KLF12: variants seen among roughly 807,000 people sequenced by gnomAD.
The protein encoded by KLF12 is Krueppel-like factor 12.
KLF12 carries 9 observed loss-of-function variants against 37.8 expected under a neutral mutation model. The observed-to-expected ratio is 0.24, with a 90% confidence interval of 0.14 to 0.42. The LOEUF is 0.42. KLF12 is among the 10% of genes least tolerant of loss of function. The pLI is 1.00. For missense variants in KLF12, 411 were observed against 516.0 expected (o/e 0.80, Z 1.97); for synonymous variants, 208 against 202.1 (o/e 1.03, Z -0.25).
At chr13:74,125,747 T>C (rs1476659708) in intron 1 of KLF12, among the ~76,000 whole-genome samples, 1 of 152,248 alleles carries the variant, frequency 6.6e-6, no homozygotes, top group Non-Finnish European at 1.5e-5. Flanking sequence ...GTATATCTTG[T>C]AGTAAACGTA....
chr13:74,230,492 C>T, the KLF12 span, among the ~76,000 whole-genome samples: 3 of 152,282 alleles, frequency 2.0e-5, no homozygotes, highest in Admixed American at 1.3e-4. Flanking sequence ...TGCTCATCCA[C>T]ACTCTCATCA....
rs538579286 is a variant in KLF12, at chr13:73,854,627, T to C, written c.124-8254A>G. 7.9e-5 allele frequency among the ~76,000 whole-genome samples: 12 copies of C among 152,302 alleles called. No individual in the cohort carries two copies. In the South Asian group the frequency reaches 2.5e-3, roughly 32 times the overall value. ...TTTGGTAGTATCCATGGGGGATTGG[T>C]TCCAGGACCCCCCTCCACCAAGGAT... On this transcript the variant is annotated intron_variant, in intron 3 of 7. Transcript: ENST00000377669.
chr13:73,819,485 T>C (rs1883407931), intron 4 of KLF12, among the ~76,000 whole-genome samples: 1 of 152,152 alleles, frequency 6.6e-6, no homozygotes, highest in African/African-American at 2.4e-5. Flanking sequence ...TATTGGATAA[T>C]ATATAAAACT....
intron 3 of KLF12, among the ~76,000 whole-genome samples, chr13:73,851,486 A>G (rs1023613285): frequency 4.6e-5 from 7 of 152,210 alleles, no homozygotes; most frequent in Admixed American, 2.6e-4. Flanking sequence ...AGATCATGTA[A>G]CAGTTGATGG....
At chr13:74,079,782 G>C (rs1444161428) in intron 1 of KLF12, among the ~76,000 whole-genome samples, 1 of 152,166 alleles carries the variant, frequency 6.6e-6, no homozygotes, top group Non-Finnish European at 1.5e-5. Context: ...CTGTTGGTAG[G>C]ATTATAAAAT....
intron 3 of KLF12, among the ~76,000 whole-genome samples, chr13:73,936,475 T>C (rs1339896608): frequency 6.6e-6 from 1 of 152,152 alleles, no homozygotes; most frequent in Non-Finnish European, 1.5e-5. Flanking sequence ...TGGCCGACCT[T>C]TCCTTGCCTT....
At chr13:74,263,674 A>G in the KLF12 span, among the ~76,000 whole-genome samples, 1 of 152,164 alleles carries the variant, frequency 6.6e-6, no homozygotes, top group South Asian at 2.1e-4. Flanking sequence ...CAGGAGGTGG[A>G]GGTTGCAGTG....
intron 1 of KLF12, among the ~76,000 whole-genome samples, chr13:74,064,868 GA>G (rs1424516090): frequency 6.6e-6 from 1 of 152,146 alleles, no homozygotes; most frequent in Non-Finnish European, 1.5e-5. Context: ...AGTTATCTCA[GA>G]ATCAATGTTA....
At chr13:74,149,801 C>T in the KLF12 span, among the ~76,000 whole-genome samples, 59 of 152,202 alleles carry the variant, frequency 3.9e-4, 1 homozygote, top group Middle Eastern at 3.4e-3. Context: ...TCCCAGGTTT[C>T]TCTCTCATTA....
chr13:73,904,002 T>G (rs2139103323), intron 3 of KLF12, among the ~76,000 whole-genome samples: 1 of 152,316 alleles, frequency 6.6e-6, no homozygotes, highest in South Asian at 2.1e-4. Context: ...AAAAAGGTGA[T>G]GACTGCTGCA....
chr13:73,857,670 C>G (rs1251938606), intron 3 of KLF12, among the ~76,000 whole-genome samples: 1 of 152,074 alleles, frequency 6.6e-6, no homozygotes, highest in Non-Finnish European at 1.5e-5. Flanking sequence ...GTAACTTTGT[C>G]TTATTTTGGG....
At chr13:73,996,155 T>C (rs12856035) in intron 1 of KLF12, among the ~76,000 whole-genome samples, 8,388 of 152,312 alleles carry the variant, frequency 0.055, 318 homozygotes, top group Middle Eastern at 0.13. Flanking sequence ...TAAATATATA[T>C]GTCTCTCTTG....
At chr13:74,289,886 C>T in the KLF12 span, among the ~76,000 whole-genome samples, 9 of 152,130 alleles carry the variant, frequency 5.9e-5, no homozygotes, top group African/African-American at 2.2e-4. Flanking sequence ...CACCTTATAT[C>T]GGAGCCCTCA....
At chr13:73,880,281 T>C (rs1168777489) in intron 3 of KLF12, among the ~76,000 whole-genome samples, 2 of 152,182 alleles carry the variant, frequency 1.3e-5, no homozygotes, top group African/African-American at 4.8e-5. Flanking sequence ...TCACTTTTCC[T>C]CTCCAAATGA....
chr13:74,231,640 T>C, the KLF12 span: 4 of 152,314 alleles, frequency 2.6e-5, no homozygotes, highest in South Asian at 8.3e-4. Context: ...TTTGGAAATA[T>C]CTTCTGTGAA....
intron 4 of KLF12, among the ~76,000 whole-genome samples, chr13:73,828,843 T>C (rs1395107436): frequency 1.3e-5 from 2 of 152,180 alleles, no homozygotes; most frequent in Non-Finnish European, 2.9e-5. Flanking sequence ...CCAACTTATC[T>C]ACTTGTCGAA....
At chr13:74,045,293 C>T (rs910531959) in intron 1 of KLF12, among the ~76,000 whole-genome samples, 6 of 152,148 alleles carry the variant, frequency 3.9e-5, no homozygotes, top group African/African-American at 7.2e-5. Context: ...GTAATGAGAA[C>T]GGCACTTTAC....
chr13:74,107,315 C>T (rs915285291), intron 1 of KLF12, among the ~76,000 whole-genome samples: 1 of 152,172 alleles, frequency 6.6e-6, no homozygotes, highest in African/African-American at 2.4e-5. Context: ...ATTCCCAGTT[C>T]GGTTTCTAAC....
At chr13:74,221,083 C>G in the KLF12 span, among the ~76,000 whole-genome samples, 2 of 151,272 alleles carry the variant, frequency 1.3e-5, no homozygotes, top group Non-Finnish European at 2.9e-5. Flanking sequence ...CGGCTCACTG[C>G]AAGCTCCGCC....
Sources: gnomAD v4.1 joint callset for allele counts (sites outside exome capture counted in the v4.1 genomes callset) on GRCh38, gnomAD v4.1.1 for gene constraint, MANE v1.5 for transcripts, NCBI Gene and HGNC (gene_info 2026-07-23, HGNC 2026-07-21) for gene names.